The following GALNTL6 variants were observed in gnomAD, a reference collection of about 807,000 sequenced individuals.
The protein encoded by GALNTL6 is polypeptide N-acetylgalactosaminyltransferase like 6, also known as polypeptide N-acetylgalactosaminyltransferase-like 6.
GALNTL6 carries 46 observed loss-of-function variants against 73.7 expected under a neutral mutation model. The observed-to-expected ratio is 0.62, with a 90% CI of 0.49 to 0.80. GALNTL6 has a LOEUF of 0.80. Among genes scored for constraint, GALNTL6 ranks in the 30% least tolerant of loss-of-function variants. The pLI, the probability that GALNTL6 is intolerant of heterozygous loss-of-function variation, is 0.00. For synonymous variants in GALNTL6, 259 were observed against 263.7 expected, an observed-to-expected ratio of 0.98 and a Z score of 0.17; for missense variants, 604 against 755.0, an observed-to-expected ratio of 0.80 and a Z score of 2.34.
At chr4:172,401,241 A>G (rs1744025745) in intron 5 of GALNTL6, among the ~76,000 whole-genome samples, 1 of 152,092 alleles carries the variant, frequency 6.6e-6, no homozygotes, top group Non-Finnish European at 1.5e-5. Flanking sequence ...AATGTACAAA[A>G]ATCACAAAGA....
intron 2 of GALNTL6, among the ~76,000 whole-genome samples, chr4:172,187,590 C>T (rs1322492462): frequency 6.6e-6 from 1 of 151,958 alleles, no homozygotes; most frequent in African/African-American, 2.4e-5. Context: ...TCCCCCTTAA[C>T]CTTTGCAGTG....
chr4:172,106,438 C>T (rs1334215320), intron 2 of GALNTL6, among the ~76,000 whole-genome samples: 3 of 152,104 alleles, frequency 2.0e-5, no homozygotes, highest in Admixed American at 2.0e-4. Context: ...ATGTAATAAA[C>T]ATGTCCATCA....
intron 12 of GALNTL6, among the ~76,000 whole-genome samples, chr4:173,029,381 C>A (rs1333090548): frequency 6.6e-6 from 1 of 152,176 alleles, no homozygotes; most frequent in African/African-American, 2.4e-5. Context: ...AATTAAATGG[C>A]CCAATTTCCT....
intron 4 of GALNTL6, among the ~76,000 whole-genome samples, chr4:172,344,679 T>C (rs1741680920): frequency 6.6e-6 from 1 of 152,188 alleles, no homozygotes; most frequent in African/African-American, 2.4e-5. Flanking sequence ...CATGATCTGT[T>C]CTCAATGTAC....
At chr4:172,528,767 T>C (rs185434945) in intron 5 of GALNTL6, among the ~76,000 whole-genome samples, 1 of 150,936 alleles carries the variant, frequency 6.6e-6, no homozygotes, top group East Asian at 2.0e-4. Flanking sequence ...AACAATATTT[T>C]GTTTCATAAG....
At chr4:172,072,532 G>A (rs1320942901) in intron 2 of GALNTL6, among the ~76,000 whole-genome samples, 2 of 151,954 alleles carry the variant, frequency 1.3e-5, no homozygotes, top group African/African-American at 4.8e-5. Flanking sequence ...ATATCTAGAA[G>A]GCATCTCAAA....
chr4:171,936,662 C>T (rs889245702), intron 2 of GALNTL6, among the ~76,000 whole-genome samples: 1 of 151,986 alleles, frequency 6.6e-6, no homozygotes, highest in Admixed American at 6.6e-5. Flanking sequence ...GAAACCAAGA[C>T]AAATTATGTA....
Position 172,771,613 on chromosome 4 carries a change from G to A in GALNTL6, c.554-37748G>A, listed in dbSNP as rs573801030. On this transcript the variant is annotated intron_variant, in intron 5 of 12. Transcript: ENST00000506823. The stretch of plus-strand genomic sequence containing the variant: ...CTTTAACCACGTACTTTGAATCATC[G>A]TTTTCTCTGGGAAGTCAACATTTTT... 2.7e-4 allele frequency among the ~76,000 whole-genome samples: 41 copies of A among 152,184 alleles called. 1 individual carries two copies. The South Asian group carries it at 5.4e-3, about 20-fold the overall frequency.
chr4:171,833,733 CTTTGAGCTATGGAATAAACT>C (rs1735035216), intron 2 of GALNTL6, among the ~76,000 whole-genome samples: 1 of 151,722 alleles, frequency 6.6e-6, no homozygotes, highest in South Asian at 2.1e-4. Context: ...TTAGCATAGA[CTTTGAGCTATGGAATAAACT>C]TTTGGTCCAG....
chr4:172,228,093 T>G (rs914452639), intron 2 of GALNTL6, among the ~76,000 whole-genome samples: 3 of 152,160 alleles, frequency 2.0e-5, no homozygotes, highest in Non-Finnish European at 4.4e-5. Context: ...TTTCTTTGTA[T>G]AGCTGAGTTC....
chr4:172,791,695 A>G (rs1740003157), intron 5 of GALNTL6, among the ~76,000 whole-genome samples: 1 of 152,156 alleles, frequency 6.6e-6, no homozygotes, highest in Non-Finnish European at 1.5e-5. Context: ...AAATTAAGAT[A>G]AATTTTAGAG....
At chr4:172,474,388 G>A (rs1462803863) in intron 5 of GALNTL6, among the ~76,000 whole-genome samples, 1 of 152,016 alleles carries the variant, frequency 6.6e-6, no homozygotes, top group African/African-American at 2.4e-5. Context: ...TATTTATTAA[G>A]TTCTAATTTT....
intron 2 of GALNTL6, among the ~76,000 whole-genome samples, chr4:172,047,865 A>G (rs896925019): frequency 2.0e-5 from 3 of 152,266 alleles, no homozygotes; most frequent in East Asian, 1.9e-4. Flanking sequence ...TTAAAAATTA[A>G]TATTATTATT....
intron 4 of GALNTL6, among the ~76,000 whole-genome samples, chr4:172,332,965 GTTAT>G (rs1245003696): frequency 2.0e-5 from 3 of 152,064 alleles, no homozygotes; most frequent in African/African-American, 7.2e-5. Flanking sequence ...GCCAAAATCT[GTTAT>G]TTATTGTCTT....
Position 172,881,193 on chromosome 4 carries a change from C to A in GALNTL6, c.924-1597C>A, listed in dbSNP as rs115351897. Among the ~76,000 whole-genome samples, 1,345 of 152,222 alleles carry A rather than the reference C, an allele frequency of 8.8e-3. 26 individuals carry two copies. The highest frequency in any genetic ancestry group is 0.03 in the African/African-American group (1,246 of 41,528). ...AAAGTGTTCTTTGGGGAACTGCACT[C>A]GATAAATGTTACAATCCTAGTTTGT... is the stretch of plus-strand genomic sequence containing the variant. On this transcript the variant is annotated intron_variant, in intron 7 of 12. Coordinates refer to ENST00000506823, the MANE Select transcript of GALNTL6 (RefSeq NM_001034845.3).
intron 2 of GALNTL6, among the ~76,000 whole-genome samples, chr4:172,014,539 C>T (rs140833205): frequency 0.017 from 2,507 of 151,890 alleles, 34 homozygotes; most frequent in Middle Eastern, 0.034. Flanking sequence ...GTTGTTGTTC[C>T]AATTTAATTT....
intron 2 of GALNTL6, among the ~76,000 whole-genome samples, chr4:171,856,543 T>C (rs944746506): frequency 3.9e-5 from 6 of 152,228 alleles, no homozygotes; most frequent in African/African-American, 1.4e-4. Context: ...GTTTATGGTT[T>C]TGAATATTAT....
chr4:172,854,745 C>A (rs1406228677), intron 7 of GALNTL6, among the ~76,000 whole-genome samples: 1 of 152,112 alleles, frequency 6.6e-6, no homozygotes, highest in Non-Finnish European at 1.5e-5. Flanking sequence ...ACTCTTTCTC[C>A]TTGTTATTGC....
At chr4:172,418,019 C>T (rs1035681601) in intron 5 of GALNTL6, among the ~76,000 whole-genome samples, 4 of 152,094 alleles carry the variant, frequency 2.6e-5, no homozygotes, top group African/African-American at 7.2e-5. Context: ...CCCCACTAAG[C>T]GTCATTAATC....
Sources: gnomAD v4.1 joint callset for allele counts (sites outside exome capture counted in the v4.1 genomes callset) on GRCh38, gnomAD v4.1.1 for gene constraint, MANE v1.5 for transcripts, NCBI Gene and HGNC (gene_info 2026-07-23, HGNC 2026-07-21) for gene names.